The following NAV3 variants were observed in gnomAD, a reference collection of about 807,000 sequenced individuals.
The protein encoded by NAV3 is pore membrane and/or filament interacting like protein 1.
In NAV3, 87 loss-of-function variants were observed where a neutral mutation model predicts 244.7. The ratio of observed to expected loss-of-function variants is 0.36; its 90% CI spans 0.30 to 0.42. The LOEUF is 0.42. Ranked by LOEUF, NAV3 falls within the 20% of genes least tolerant of loss-of-function variation. NAV3 has a pLI of 1.00. For missense variants in NAV3, 2,663 were observed against 2,893.3 expected (o/e 0.92, Z 1.83); for synonymous variants, 1,126 against 1,042.2 (o/e 1.08, Z -1.55).
At chr12:78,095,337 G>C (rs377424936) in intron 12 of NAV3, among the ~76,000 whole-genome samples, 1 of 152,010 alleles carries the variant, frequency 6.6e-6, no homozygotes, top group South Asian at 2.1e-4. Context: ...CTCTTGAAGA[G>C]AGAGCAAGAG....
chr12:78,023,982 ACTT>A (rs1877580969), intron 9 of NAV3, among the ~76,000 whole-genome samples: 1 of 151,972 alleles, frequency 6.6e-6, no homozygotes, highest in African/African-American at 2.4e-5. Flanking sequence ...AGAAACTACT[ACTT>A]CTCTATGACC....
At chr12:78,061,513 A>G (rs1202048800) in intron 12 of NAV3, among the ~76,000 whole-genome samples, 1 of 152,144 alleles carries the variant, frequency 6.6e-6, no homozygotes, top group Non-Finnish European at 1.5e-5. Context: ...AGCTGCTTGC[A>G]TAAATTAAAT....
chr12:78,174,760 G>T (rs1443112270), intron 24 of NAV3, among the ~76,000 whole-genome samples: 1 of 151,910 alleles, frequency 6.6e-6, no homozygotes, highest in Non-Finnish European at 1.5e-5. Context: ...CTTTGGCCAA[G>T]TTACTTAACT....
chr12:77,998,045 CA>C (rs1473869923), intron 6 of NAV3, among the ~76,000 whole-genome samples: 20 of 152,108 alleles, frequency 1.3e-4, no homozygotes, highest in Non-Finnish European at 1.5e-5. Flanking sequence ...ACTTTTAAGG[CA>C]AAGTTTTATT....
intron 12 of NAV3, among the ~76,000 whole-genome samples, chr12:78,084,868 T>C (rs1031505111): frequency 3.3e-5 from 5 of 152,188 alleles, no homozygotes; most frequent in African/African-American, 1.2e-4. Context: ...TTTGATATGA[T>C]TGATTACTTA....
At chr12:78,085,971 T>G (rs926021893) in intron 12 of NAV3, among the ~76,000 whole-genome samples, 2 of 152,096 alleles carry the variant, frequency 1.3e-5, no homozygotes, top group African/African-American at 4.8e-5. Context: ...TCATAGAAAT[T>G]AAAAGTACAA....
intron 1 of NAV3, among the ~76,000 whole-genome samples, chr12:77,929,946 G>C (rs553819749): frequency 1.3e-5 from 2 of 151,710 alleles, no homozygotes; most frequent in African/African-American, 4.8e-5. Flanking sequence ...ACCATGCCTG[G>C]TCTATAAACT....
chr12:78,047,787 T>C (rs2137184627), intron 9 of NAV3, among the ~76,000 whole-genome samples: 1 of 152,354 alleles, frequency 6.6e-6, no homozygotes, highest in Non-Finnish European at 1.5e-5. Context: ...TCCTGGATAA[T>C]ATCCTGAAGA....
chr12:77,727,819 GC>G (rs973178827), intron 2 of NAV3, among the ~76,000 whole-genome samples: 4 of 151,858 alleles, frequency 2.6e-5, no homozygotes, highest in Non-Finnish European at 5.9e-5. Flanking sequence ...TAGAATTCAA[GC>G]CCAGGCAGTC....
At chr12:77,897,354 C>G (rs1159526086) in intron 1 of NAV3, among the ~76,000 whole-genome samples, 1 of 152,256 alleles carries the variant, frequency 6.6e-6, no homozygotes, top group Non-Finnish European at 1.5e-5. Context: ...CACTAGCACA[C>G]ATATCACATG....
chr12:78,142,894 A>C (rs7306172), intron 20 of NAV3, among the ~76,000 whole-genome samples: 50,508 of 151,336 alleles, frequency 0.33, 8,708 homozygotes, highest in East Asian at 0.48. Context: ...TTTGAATTGA[A>C]AAGTAAACTG....
intron 12 of NAV3, among the ~76,000 whole-genome samples, chr12:78,099,410 C>T (rs949508560): frequency 2.0e-5 from 3 of 151,512 alleles, no homozygotes; most frequent in East Asian, 1.9e-4. Flanking sequence ...AATGACTTGA[C>T]AGAAATCATC....
intron 8 of NAV3, among the ~76,000 whole-genome samples, chr12:78,009,442 A>G: frequency 9.6e-6 from 1 of 104,046 alleles, no homozygotes; most frequent in East Asian, 3.3e-4. Flanking sequence ...CAAGAGGGAA[A>G]CTCAAAAAAA....
chr12:78,032,487 C>A (rs1879165063), intron 9 of NAV3, among the ~76,000 whole-genome samples: 1 of 152,182 alleles, frequency 6.6e-6, no homozygotes, highest in African/African-American at 2.4e-5. Context: ...CATAAGTCTT[C>A]AGTGCACCTC....
chr12:78,177,262 A>G lies in NAV3; in HGVS notation c.5246A>G (p.Asn1749Ser), dbSNP rs563789445. The change falls in exon 27 of 40, where the codon AAT becomes AGT. Residue 1749 changes from asparagine to serine, a missense_variant. Physicochemically the swap from Asn to Ser is conservative, Grantham distance 46. Coordinates refer to ENST00000397909, the MANE Select transcript of NAV3 (RefSeq NM_001024383.2). ...SLPASPKLPH[N>S]AGDCGSASMK... is the part of the protein sequence containing the mutation. ...CCGGCATCCCCCAAGTTACCCCATA[A>G]TGCTGGTGACTGTGGCTCAGCATCC... The G allele has an allele frequency of 3.8e-5, 61 of 1,613,382 alleles. No individual in the cohort carries two copies. The highest frequency in any genetic ancestry group is 3.5e-5 in the Non-Finnish European group (41 of 1,179,666).
At chr12:77,670,481 C>T (rs1280372565) in intron 2 of NAV3, among the ~76,000 whole-genome samples, 5 of 151,574 alleles carry the variant, frequency 3.3e-5, no homozygotes, top group Non-Finnish European at 7.4e-5. Flanking sequence ...GGAAAGACAG[C>T]AAAAAAAGAA....
chr12:78,046,531 T>A (rs1375227984), intron 9 of NAV3, among the ~76,000 whole-genome samples: 1 of 152,206 alleles, frequency 6.6e-6, no homozygotes, highest in Non-Finnish European at 1.5e-5. Flanking sequence ...TTCTATGTAG[T>A]TGTGAAGTTT....
intron 2 of NAV3, among the ~76,000 whole-genome samples, chr12:77,593,325 A>G: frequency 6.6e-6 from 1 of 151,820 alleles, no homozygotes; most frequent in Admixed American, 6.6e-5. Flanking sequence ...TTTAAACAGT[A>G]TAAAGCTGAT....
chr12:77,771,319 C>G lies in NAV3; in HGVS notation c.73-169000C>G, dbSNP rs1293713060. ...GAACACTTTTACACTGTTGGTGGGA[C>G]TATAAACTAGTTCAACCATTGTGGA... On this transcript the variant is annotated intron_variant, in intron 2 of 8. Transcript: ENST00000550042. 3.3e-5 allele frequency among the ~76,000 whole-genome samples: 5 copies of G among 152,262 alleles called. No individual in the cohort carries two copies. The East Asian group carries it at 9.7e-4, about 29-fold the overall frequency.
Sources: gnomAD v4.1 joint callset for allele counts (sites outside exome capture counted in the v4.1 genomes callset) on GRCh38, gnomAD v4.1.1 for gene constraint, MANE v1.5 for transcripts, NCBI Gene and HGNC (gene_info 2026-07-23, HGNC 2026-07-21) for gene names.